The following TJP3 variants were observed in gnomAD, a reference collection of about 807,000 sequenced individuals.
TJP3 encodes tight junction protein ZO-3.
TJP3 carries 85 observed loss-of-function variants against 104.2 expected under a neutral mutation model. The observed-to-expected ratio is 0.82, with a 90% CI of 0.68 to 0.98. TJP3 has a LOEUF of 0.98. TJP3 is among the 50% of genes least tolerant of loss of function. The pLI is 0.00. For synonymous variants in TJP3, 550 were observed against 550.6 expected (o/e 1.00, Z 0.02); for missense variants, 1,367 against 1,322.8 (o/e 1.03, Z -0.52).
At chr19:3,727,335 T>C (rs2036609994) in intron 1 of TJP3, among the ~76,000 whole-genome samples, 1 of 149,144 alleles carries the variant, frequency 6.7e-6, no homozygotes, top group South Asian at 2.1e-4. Flanking sequence ...TCAAAAAAAT[T>C]AGCTGGGCAT....
Position 3,730,843 on chromosome 19 carries a change from G to A in TJP3, c.613+137G>A. 2 of 915,652 alleles carry A rather than the reference G, an allele frequency of 2.2e-6. No individual in the cohort carries two copies. The highest frequency in any genetic ancestry group is 3.5e-5 in the South Asian group (2 of 57,810). The allele number at this position is 915,652 out of a possible 1,614,324, so 56.7% of individuals were successfully genotyped here. A position where few individuals can be genotyped will look rare whatever the true frequency, so the allele number is the denominator to read the frequency against. On this transcript the variant is annotated intron_variant, in intron 5 of 20. Coordinates refer to ENST00000541714, the MANE Select transcript of TJP3 (RefSeq NM_001267560.2). The surrounding 1 kb of genome is among the most constrained non-coding windows in gnomAD (Gnocchi z 7.3). ...CTCCAGGCGCCCGCCACCATGCCTG[G>A]CTAATTTTTGTACTTTTGGTAGAGA... is the stretch of plus-strand genomic sequence containing the variant.
chr19:3,738,557 G>T lies in TJP3; in HGVS notation c.1287G>T (p.Val429=). 6.2e-7 allele frequency: 1 copy of T among 1,612,972 alleles called. No homozygotes were observed. The highest frequency in any genetic ancestry group is 1.1e-5 in the South Asian group (1 of 90,970). The change falls in exon 12 of 21, where the codon GTG becomes GTT. Residue 429 remains valine (V), a splice_region_variant and synonymous_variant. Transcript: ENST00000541714. ...TAGCTGCACTTGCTTTCTGGCAGGT[G>T]AATGACGTGCCATTCCAGAACCTGA... The part of the protein sequence containing the change: ...GIQEGDQILQ[V]NDVPFQNLTR...
At chr19:3,728,249 A>C (rs2036621902) in intron 1 of TJP3, 175 bp from the exon 2 acceptor site, 1 of 1,063,828 alleles carries the variant, frequency 9.4e-7, no homozygotes. Flanking sequence ...CAAAAAATGA[A>C]ACAAAACAAA....
chr19:3,718,257 C>CTGTGTGTGTGTGTG (rs2036508218), intron 1 of TJP3, among the ~76,000 whole-genome samples: 1 of 27,472 alleles, frequency 3.6e-5, no homozygotes, highest in Non-Finnish European at 6.4e-5. Flanking sequence ...GTGTGTGTGT[C>CTGTGTGTGTGTGTG]TGTGTGTGTG....
chr19:3,744,133 A>G (rs1347945766), intron 15 of TJP3, 99 bp downstream of exon 15: 1 of 1,059,834 alleles, frequency 9.4e-7, no homozygotes, highest in Non-Finnish European at 1.4e-6. Flanking sequence ...GATGGCAAAC[A>G]TGAAGCAGAT....
Position 3,746,700 on chromosome 19 carries a change from G to C in TJP3, c.2221+5G>C, listed in dbSNP as rs200556939. 6.2e-6 allele frequency: 10 copies of C among 1,608,848 alleles called. No homozygotes were observed. Among genetic ancestry groups the C allele is most frequent in the Admixed American group, 1.7e-5 (1 of 58,882 alleles). On this transcript the variant is annotated splice_donor_5th_base_variant and intron_variant, in intron 17 of 20. Coordinates refer to ENST00000541714, the MANE Select transcript of TJP3 (RefSeq NM_001267560.2). This position sits in a 1 kb window ranked among gnomAD's most constrained non-coding sequence, Gnocchi z 4.1. ...ACAGCAGCCACCTCTTCACAGGTTG[G>C]GGGGTGGGTGTCCCAGGGTAGGCGG...
intron 1 of TJP3, among the ~76,000 whole-genome samples, chr19:3,717,411 A>ATATG (rs2036489976): frequency 9.6e-6 from 1 of 104,450 alleles, no homozygotes; most frequent in Non-Finnish European, 2.2e-5. Flanking sequence ...TAGCTTATAT[A>ATATG]TATATATATA....
At chr19:3,718,455 GTT>G (rs1227926088) in intron 1 of TJP3, among the ~76,000 whole-genome samples, 1 of 104,828 alleles carries the variant, frequency 9.5e-6, no homozygotes, top group Non-Finnish European at 1.9e-5. Flanking sequence ...TTTTCTTGCG[GTT>G]TTTTTTTTTT....
rs536563927 is a variant in TJP3 at position 3,748,016 on chromosome 19, G to C, written c.2545G>C (p.Val849Leu). 2 of 1,606,210 alleles carry C rather than the reference G, an allele frequency of 1.2e-6. No homozygotes were observed. The change falls in exon 19 of 21, where the codon GTG becomes CTG. Residue 849 changes from valine to leucine, a missense_variant. Transcript: ENST00000541714. ...APALARSSEPVQADESQSPRD... is the reference protein window; with the variant it reads ...APALARSSEPLQADESQSPRD... ...AGCCCTGGCCCGGTCCTCGGAGCCCGTGCAGGCAGATGAGTCCCAGAGCCC... is the reference window on the plus strand; with the variant it reads ...AGCCCTGGCCCGGTCCTCGGAGCCCCTGCAGGCAGATGAGTCCCAGAGCCC...
intron 18 of TJP3, among the ~76,000 whole-genome samples, chr19:3,747,378 G>A (rs999186325): frequency 4.6e-5 from 7 of 152,072 alleles, no homozygotes; most frequent in Non-Finnish European, 1.0e-4. Context: ...GCTGTTTTGA[G>A]AATGGAGTCA....
At chr19:3,742,209 G>T (rs2036831201) in intron 14 of TJP3, among the ~76,000 whole-genome samples, 1 of 151,354 alleles carries the variant, frequency 6.6e-6, no homozygotes, top group South Asian at 2.1e-4. Context: ...CAAGATGGGT[G>T]GGTCACTTGA....
chr19:3,729,472 A>T (rs567700453), intron 3 of TJP3, among the ~76,000 whole-genome samples: 2 of 152,164 alleles, frequency 1.3e-5, no homozygotes, highest in South Asian at 4.2e-4. Flanking sequence ...AGGAGTGAGA[A>T]GATGCCAGGT....
At chr19:3,734,966 T>A (rs1044261389) in intron 8 of TJP3, among the ~76,000 whole-genome samples, 22 of 151,936 alleles carry the variant, frequency 1.4e-4, no homozygotes, top group South Asian at 2.1e-4. Context: ...AAAAAAAAAA[T>A]TTCTTTTTCC....
At chr19:3,719,459 G>C (rs754419504) in intron 1 of TJP3, among the ~76,000 whole-genome samples, 3 of 151,966 alleles carry the variant, frequency 2.0e-5, no homozygotes, top group Non-Finnish European at 4.4e-5. Context: ...TGTGTGGCTG[G>C]GAGTAGTGGC....
intron 1 of TJP3, among the ~76,000 whole-genome samples, chr19:3,715,991 C>G (rs1287037219): frequency 1.3e-5 from 2 of 151,860 alleles, no homozygotes; most frequent in African/African-American, 4.8e-5. Context: ...GTTGGCCAGG[C>G]TGGTCTCGAA....
intron 1 of TJP3, among the ~76,000 whole-genome samples, chr19:3,726,054 A>G (rs1248460400): frequency 6.6e-6 from 1 of 152,250 alleles, no homozygotes; most frequent in Non-Finnish European, 1.5e-5. Flanking sequence ...TTATAAGAAA[A>G]GGCACTGGAG....
chr19:3,738,945 G>T lies in TJP3; in HGVS notation c.1442G>T (p.Arg481Leu). The T allele has an allele frequency of 6.2e-7, 1 of 1,612,690 alleles. No homozygotes were observed. The highest frequency in any genetic ancestry group is 1.1e-5 in the South Asian group (1 of 90,932). The change falls in exon 13 of 21, where the codon CGC (arginine) becomes CTC (leucine). Residue 481 changes from arginine (R) to leucine (L), a missense_variant. Physicochemically the swap from Arg to Leu is moderately radical, Grantham distance 102. Coordinates refer to ENST00000541714, the MANE Select transcript of TJP3 (RefSeq NM_001267560.2). ...CGCGTGGGTGACTCCTTCTACATCC[G>T]CACTCACTTTGAGCTGGAGCCCAGT... ...QSRVGDSFYI[R>L]THFELEPSPP...
At chr19:3,741,838 CAG>C (rs1269810254) in intron 14 of TJP3, among the ~76,000 whole-genome samples, 5 of 151,170 alleles carry the variant, frequency 3.3e-5, no homozygotes, top group Non-Finnish European at 7.4e-5. Flanking sequence ...GGCATGGTGG[CAG>C]GTGCCTATAA....
chr19:3,718,818 G>C (rs2036515826), intron 1 of TJP3, among the ~76,000 whole-genome samples: 1 of 152,094 alleles, frequency 6.6e-6, no homozygotes, highest in Non-Finnish European at 1.5e-5. Context: ...CACGAACCTT[G>C]ACGTGTGCGG....
Sources: allele counts gnomAD v4.1 joint callset (sites outside exome capture counted in the v4.1 genomes callset), GRCh38; gene constraint gnomAD v4.1.1; non-coding constraint Gnocchi (gnomAD v3.1); transcripts MANE v1.5; gene names NCBI Gene and HGNC (gene_info 2026-07-23, HGNC 2026-07-21).